KANSL1: variants seen among roughly 807,000 people sequenced by gnomAD.
KANSL1 encodes KAT8 regulatory NSL complex subunit 1.
A neutral mutation model predicts 103.6 loss-of-function variants in KANSL1; 22 were observed. That is an observed-to-expected ratio of 0.21 (90% CI 0.15 to 0.30). KANSL1 has a LOEUF of 0.30. KANSL1 is among the 10% of genes least tolerant of loss of function. The probability of loss-of-function intolerance (pLI) is 1.00; values close to 1 mark genes in which losing one functional copy is unlikely to be tolerated. For missense variants in KANSL1, 1,337 were observed against 1,399.8 expected, an observed-to-expected ratio of 0.96 and a Z score of 0.72; for synonymous variants, 600 against 527.6, an observed-to-expected ratio of 1.14 and a Z score of -1.88.
At chr17:46,090,729 C>G (rs1421841981) in intron 3 of KANSL1, among the ~76,000 whole-genome samples, 1 of 152,148 alleles carries the variant, frequency 6.6e-6, no homozygotes, top group African/African-American at 2.4e-5. Flanking sequence ...AATGACAGAC[C>G]ACATATACAA....
intron 2 of KANSL1, among the ~76,000 whole-genome samples, chr17:46,159,180 A>C (rs1194864277): frequency 6.6e-6 from 1 of 152,210 alleles, no homozygotes; most frequent in Non-Finnish European, 1.5e-5. Context: ...ACCTCAGCAA[A>C]GCAAAAGGCC....
chr17:46,193,547 C>G (rs1175242052), upstream of KANSL1: 1 of 149,066 alleles, frequency 6.7e-6, no homozygotes, highest in Non-Finnish European at 1.5e-5. Flanking sequence ...CGCCAGGGGG[C>G]GCCCGCCGCG....
intron 1 of KANSL1, among the ~76,000 whole-genome samples, chr17:46,204,010 C>A (rs541863940): frequency 2.6e-5 from 4 of 152,060 alleles, no homozygotes; most frequent in African/African-American, 9.7e-5. Flanking sequence ...CCCTGTCTCA[C>A]GGGTAGGGGA....
chr17:46,189,426 T>C (rs2047201632), intron 1 of KANSL1, among the ~76,000 whole-genome samples: 1 of 152,138 alleles, frequency 6.6e-6, no homozygotes, highest in South Asian at 2.1e-4. Context: ...CGCTTATTTC[T>C]GTGTCTTAAT....
intron 2 of KANSL1, among the ~76,000 whole-genome samples, chr17:46,114,828 T>C (rs1341002574): frequency 6.6e-6 from 1 of 152,252 alleles, no homozygotes; most frequent in Non-Finnish European, 1.5e-5. Context: ...CAGACAAGTG[T>C]ATAACAGAAA....
At chr17:46,160,954 GTAAAAT>G (rs1375768805) in intron 2 of KANSL1, among the ~76,000 whole-genome samples, 1 of 152,176 alleles carries the variant, frequency 6.6e-6, no homozygotes, top group African/African-American at 2.4e-5. Context: ...GTTTGAGTCT[GTAAAAT>G]TAAAATTATC....
intron 3 of KANSL1, among the ~76,000 whole-genome samples, chr17:46,083,627 T>C (rs969567486): frequency 2.6e-5 from 4 of 152,136 alleles, no homozygotes; most frequent in Non-Finnish European, 4.4e-5. Context: ...CTCAAACTCC[T>C]GGGCTCCAGC....
intron 1 of KANSL1, among the ~76,000 whole-genome samples, chr17:46,213,993 C>A (rs1421142783): frequency 6.6e-6 from 1 of 152,110 alleles, no homozygotes; most frequent in African/African-American, 2.4e-5. Flanking sequence ...AATATACTAC[C>A]TGGCACATAT....
intron 2 of KANSL1, among the ~76,000 whole-genome samples, chr17:46,140,121 T>TATACAC (rs1367076042): frequency 2.0e-5 from 3 of 152,174 alleles, no homozygotes; most frequent in Admixed American, 6.5e-5. Flanking sequence ...GGTGTGCACA[T>TATACAC]ATACACATAC....
At chr17:46,205,425 T>C (rs1160902021) in intron 1 of KANSL1, among the ~76,000 whole-genome samples, 2 of 151,478 alleles carry the variant, frequency 1.3e-5, no homozygotes, top group Non-Finnish European at 1.5e-5. Context: ...CTCACACCTG[T>C]AATCCCAGCA....
chr17:46,104,707 G>A (rs2042458182), intron 2 of KANSL1, among the ~76,000 whole-genome samples: 1 of 152,208 alleles, frequency 6.6e-6, no homozygotes, highest in Non-Finnish European at 1.5e-5. Context: ...GGAAAAAATG[G>A]CATGACAAAG....
intron 1 of KANSL1, among the ~76,000 whole-genome samples, chr17:46,213,980 C>A (rs1275618245): frequency 2.6e-5 from 4 of 152,016 alleles, no homozygotes; most frequent in African/African-American, 9.7e-5. Context: ...CAATTCCCTG[C>A]CAAATATACT....
intron 2 of KANSL1, among the ~76,000 whole-genome samples, chr17:46,110,171 G>A (rs755903557): frequency 6.6e-6 from 1 of 152,188 alleles, no homozygotes. Flanking sequence ...TTATGTGTTT[G>A]AATAAGGGTA....
In KANSL1 at chr17:46,218,509, G is replaced by A. The variant is rs1370870543; in HGVS notation, c.-90+5162C>T. 7.2e-5 allele frequency among the ~76,000 whole-genome samples: 11 copies of A among 152,328 alleles called. No homozygotes were observed. The East Asian group carries it at 7.7e-4, about 11-fold the overall frequency. ...AACAGTAATTACAATAAGAGCTGGC[G>A]TGGTGGCTCACGCCTGTAATCCCAG... On this transcript the variant is annotated intron_variant, in intron 1 of 14. Coordinates refer to the KANSL1 transcript ENST00000572904.
intron 2 of KANSL1, among the ~76,000 whole-genome samples, chr17:46,097,955 C>G (rs778574237): frequency 1.1e-4 from 16 of 149,638 alleles, no homozygotes; most frequent in Non-Finnish European, 1.5e-4. Flanking sequence ...TCAAACCAAC[C>G]ACTGTGATAA....
chr17:46,037,609 C>T (rs1333400616), intron 10 of KANSL1: 1 of 152,216 alleles, frequency 6.6e-6, no homozygotes, highest in Non-Finnish European at 1.5e-5. Context: ...TCACAAGTTG[C>T]CTTGACAGTT....
chr17:46,119,781 A>C (rs1041972055), intron 2 of KANSL1, among the ~76,000 whole-genome samples: 1 of 152,228 alleles, frequency 6.6e-6, no homozygotes, highest in African/African-American at 2.4e-5. Flanking sequence ...AAGTCCTTCT[A>C]CATTTCACAT....
At chr17:46,202,055 T>G (rs1183265422) in intron 1 of KANSL1, among the ~76,000 whole-genome samples, 1 of 151,978 alleles carries the variant, frequency 6.6e-6, no homozygotes, top group Non-Finnish European at 1.5e-5. Context: ...TCTGTACCAG[T>G]TAGTACCAGC....
At chr17:46,064,954 C>T (rs148072301) in intron 6 of KANSL1, among the ~76,000 whole-genome samples, 1 of 151,644 alleles carries the variant, frequency 6.6e-6, no homozygotes, top group East Asian at 1.9e-4. Flanking sequence ...CATATGTATA[C>T]GTGTGTTTTT....
Sources: gnomAD v4.1 joint callset for allele counts (sites outside exome capture counted in the v4.1 genomes callset) on GRCh38, gnomAD v4.1.1 for gene constraint, MANE v1.5 for transcripts, NCBI Gene and HGNC (gene_info 2026-07-23, HGNC 2026-07-21) for gene names.